The following ST8SIA4 variants were observed in gnomAD, a reference collection of about 807,000 sequenced individuals.
The protein encoded by ST8SIA4 is CMP-N-acetylneuraminate-poly-alpha-2,8-sialyltransferase.
A neutral mutation model predicts 33.9 loss-of-function variants in ST8SIA4; 15 were observed. The ratio of observed to expected loss-of-function variants is 0.44; its 90% confidence interval spans 0.30 to 0.68. ST8SIA4 has a LOEUF of 0.68. ST8SIA4 is among the 30% of genes least tolerant of loss of function. The probability of loss-of-function intolerance (pLI) is 0.10; values close to 1 mark genes in which losing one functional copy is unlikely to be tolerated. For missense variants in ST8SIA4, 321 were observed against 428.0 expected (o/e 0.75, Z 2.21); for synonymous variants, 171 against 151.2 (o/e 1.13, Z -0.96).
At chr5:100,901,808 AG>A (rs1463022360) in intron 1 of ST8SIA4, among the ~76,000 whole-genome samples, 1 of 152,224 alleles carries the variant, frequency 6.6e-6, no homozygotes, top group Non-Finnish European at 1.5e-5. Context: ...AATGGAGTGC[AG>A]GAAGTTTAAG....
chr5:100,898,132 CT>C (rs1000759198), intron 1 of ST8SIA4, among the ~76,000 whole-genome samples: 50 of 152,068 alleles, frequency 3.3e-4, no homozygotes, highest in African/African-American at 1.1e-3. Flanking sequence ...CACCAATAAA[CT>C]TTCATAGGAG....
At chr5:100,830,405 T>C (rs1751232403) in intron 4 of ST8SIA4, among the ~76,000 whole-genome samples, 1 of 152,228 alleles carries the variant, frequency 6.6e-6, no homozygotes, top group African/African-American at 2.4e-5. Context: ...TAAAGTGCTT[T>C]AAGTAATGCC....
intron 4 of ST8SIA4, among the ~76,000 whole-genome samples, chr5:100,819,650 A>C (rs2112402267): frequency 6.6e-6 from 1 of 152,320 alleles, no homozygotes; most frequent in Non-Finnish European, 1.5e-5. Flanking sequence ...CTGTAGCTTC[A>C]TGAGTTTTGA....
intron 3 of ST8SIA4, among the ~76,000 whole-genome samples, chr5:100,882,170 A>C (rs547429113): frequency 1.4e-4 from 21 of 152,352 alleles, no homozygotes; most frequent in African/African-American, 5.1e-4. Context: ...GGCATTGACC[A>C]AAAGCCTGAT....
chr5:100,849,406 T>C (rs1249546401), intron 4 of ST8SIA4: 3 of 985,220 alleles, frequency 3.0e-6, no homozygotes, highest in Non-Finnish European at 2.4e-6. Flanking sequence ...GTCAGTGTTC[T>C]TAGTTAGAAT....
chr5:100,826,346 A>C (rs549262688), intron 4 of ST8SIA4, among the ~76,000 whole-genome samples: 1 of 152,282 alleles, frequency 6.6e-6, no homozygotes, highest in Non-Finnish European at 1.5e-5. Context: ...TTTCCAGTTG[A>C]TTCATCAAAA....
intron 4 of ST8SIA4, among the ~76,000 whole-genome samples, chr5:100,825,079 G>A (rs1244129082): frequency 1.3e-5 from 2 of 151,884 alleles, no homozygotes; most frequent in Non-Finnish European, 2.9e-5. Context: ...ATAAAAATAA[G>A]AGATTTTACC....
In ST8SIA4 at chr5:100,895,678, T is replaced by C. The variant is rs1179054638; in HGVS notation, c.221A>G (p.Asn74Ser). The change falls in exon 2 of 5, where the codon AAT becomes AGT. Residue 74 changes from asparagine (N) to serine (S), a missense_variant. Physicochemically the swap from Asn to Ser is conservative, Grantham distance 46. Coordinates refer to ENST00000231461, the MANE Select transcript of ST8SIA4 (RefSeq NM_005668.6). ...CCTTATCTCTAGGACCAAAGAGGAA[T>C]TGATTTTCCAACCTTCTACATTGTG... is the stretch of plus-strand genomic sequence containing the variant. ...FQHNVEGWKI[N>S]SSLVLEIRKN... The C allele has an allele frequency of 3.7e-6, 6 of 1,611,152 alleles. No homozygotes were observed. The highest frequency in any genetic ancestry group is 1.3e-5 in the African/African-American group (1 of 74,808).
intron 1 of ST8SIA4, among the ~76,000 whole-genome samples, chr5:100,898,735 C>T (rs1423384): frequency 0.39 from 59,369 of 151,956 alleles, 12,135 homozygotes; most frequent in African/African-American, 0.51. Flanking sequence ...CCCATGAATG[C>T]GAAGCTTGAA....
chr5:100,849,075 T>C, intron 4 of ST8SIA4: 3 of 860,764 alleles, frequency 3.5e-6, no homozygotes, highest in Middle Eastern at 5.9e-4. Context: ...TAGAAAGCTA[T>C]CTTTATTATC....
chr5:100,824,671 G>C (rs896669533), intron 4 of ST8SIA4, among the ~76,000 whole-genome samples: 1 of 151,970 alleles, frequency 6.6e-6, no homozygotes, highest in African/African-American at 2.4e-5. Flanking sequence ...AAGGTGGAGG[G>C]GGGCAAGGTA....
chr5:100,882,683 T>C (rs945034754), intron 3 of ST8SIA4, among the ~76,000 whole-genome samples: 2 of 152,202 alleles, frequency 1.3e-5, no homozygotes, highest in African/African-American at 4.8e-5. Context: ...CCAGGATCCC[T>C]GTGTGCAGCC....
intron 3 of ST8SIA4, among the ~76,000 whole-genome samples, chr5:100,863,862 T>C (rs1309391753): frequency 6.6e-6 from 1 of 152,138 alleles, no homozygotes; most frequent in African/African-American, 2.4e-5. Flanking sequence ...TACGGACAAG[T>C]GGTAAGGACG....
chr5:100,812,655 C>G (rs1181416381), intron 4 of ST8SIA4, among the ~76,000 whole-genome samples: 1 of 152,022 alleles, frequency 6.6e-6, no homozygotes, highest in African/African-American at 2.4e-5. Flanking sequence ...TTTACTAAAG[C>G]AAATTAGAAG....
chr5:100,861,432 A>G (rs573426172), intron 3 of ST8SIA4, among the ~76,000 whole-genome samples: 1 of 152,322 alleles, frequency 6.6e-6, no homozygotes, highest in Admixed American at 6.5e-5. Flanking sequence ...AAAGATCTGC[A>G]TACCAAGAAA....
chr5:100,821,620 C>T (rs1263141742), intron 4 of ST8SIA4, among the ~76,000 whole-genome samples: 1 of 150,192 alleles, frequency 6.7e-6, no homozygotes, highest in East Asian at 2.0e-4. Flanking sequence ...AAGTAAGGAA[C>T]AACAAATGTG....
intron 4 of ST8SIA4, among the ~76,000 whole-genome samples, chr5:100,840,181 CT>C (rs998627657): frequency 6.6e-6 from 1 of 151,738 alleles, no homozygotes; most frequent in African/African-American, 2.4e-5. Flanking sequence ...TCTCCAAGTT[CT>C]TATAAATTTC....
At chr5:100,820,923 G>A (rs1278280184) in intron 4 of ST8SIA4, among the ~76,000 whole-genome samples, 2 of 152,104 alleles carry the variant, frequency 1.3e-5, no homozygotes, top group Admixed American at 1.3e-4. Context: ...TCAAACCACA[G>A]ATGTTAATGG....
chr5:100,817,699 A>C lies in ST8SIA4; in HGVS notation c.798-5570T>G, dbSNP rs553197808. Among the ~76,000 whole-genome samples, 6 of 152,300 alleles carry C rather than the reference A, an allele frequency of 3.9e-5. No homozygotes were observed. In the East Asian group the frequency reaches 1.2e-3, roughly 29 times the overall value. On this transcript the variant is annotated intron_variant, in intron 4 of 4. Coordinates refer to ENST00000231461, the MANE Select transcript of ST8SIA4 (RefSeq NM_005668.6). ...TGAGATGGCTTGTGTTTGTCAGATA[A>C]AGCAGGGATGATAGTAAATTTCTTA...
Sources: allele counts gnomAD v4.1 joint callset (sites outside exome capture counted in the v4.1 genomes callset), GRCh38; gene constraint gnomAD v4.1.1; transcripts MANE v1.5; gene names NCBI Gene and HGNC (gene_info 2026-07-23, HGNC 2026-07-21).